Variants in BRINP3 observed in about 807,000 individuals in gnomAD.
BRINP3 encodes BMP/retinoic acid-inducible neural-specific protein 3.
A neutral mutation model predicts 71.0 loss-of-function variants in BRINP3; 19 were observed. The ratio of observed to expected loss-of-function variants is 0.27; its 90% CI spans 0.19 to 0.39. BRINP3 has a LOEUF of 0.39. BRINP3 is among the 10% of genes least tolerant of loss of function. BRINP3 has a pLI of 1.00. For synonymous variants in BRINP3, 380 were observed against 337.7 expected (o/e 1.13, Z -1.37); for missense variants, 959 against 940.8 (o/e 1.02, Z -0.25).
chr1:190,149,981 G>A (rs1318132470), intron 7 of BRINP3, among the ~76,000 whole-genome samples: 1 of 152,022 alleles, frequency 6.6e-6, no homozygotes, highest in Non-Finnish European at 1.5e-5. Flanking sequence ...TATTTCAATT[G>A]GCATTGATTT....
chr1:190,236,765 G>A (rs529861777), intron 4 of BRINP3, among the ~76,000 whole-genome samples: 36 of 151,862 alleles, frequency 2.4e-4, no homozygotes, highest in Non-Finnish European at 4.6e-4. Context: ...CAGCCTAAGG[G>A]CAAAGGGAAT....
intron 7 of BRINP3, among the ~76,000 whole-genome samples, chr1:190,142,707 T>C (rs1386536173): frequency 1.3e-5 from 2 of 152,078 alleles, no homozygotes; most frequent in Non-Finnish European, 2.9e-5. Flanking sequence ...AATATTTTTA[T>C]ACTTGAAAAA....
At chr1:190,220,850 G>C (rs1363645746) in intron 6 of BRINP3, among the ~76,000 whole-genome samples, 1 of 152,062 alleles carries the variant, frequency 6.6e-6, no homozygotes, top group Non-Finnish European at 1.5e-5. Flanking sequence ...AATCCCACTG[G>C]TAAAATTAAG....
At chr1:190,163,889 A>G (rs1651241264) in intron 6 of BRINP3, among the ~76,000 whole-genome samples, 1 of 152,150 alleles carries the variant, frequency 6.6e-6, no homozygotes, top group South Asian at 2.1e-4. Flanking sequence ...TCAATTATTT[A>G]TCCCAGTAAT....
At chr1:190,224,556 A>C (rs1018087904) in intron 6 of BRINP3, among the ~76,000 whole-genome samples, 1 of 151,994 alleles carries the variant, frequency 6.6e-6, no homozygotes, top group African/African-American at 2.4e-5. Context: ...GAAACACTAC[A>C]GGACATTGGT....
chr1:190,471,694 A>G (rs1677148882), intron 1 of BRINP3, among the ~76,000 whole-genome samples: 2 of 151,362 alleles, frequency 1.3e-5, no homozygotes, highest in African/African-American at 4.8e-5. Flanking sequence ...AAAATATTTT[A>G]ATCTTGTTCC....
At chr1:190,328,443 T>C (rs1318522922) in intron 2 of BRINP3, among the ~76,000 whole-genome samples, 1 of 151,982 alleles carries the variant, frequency 6.6e-6, no homozygotes, top group Non-Finnish European at 1.5e-5. Context: ...ACACTCAGAA[T>C]CTAGAAAATC....
intron 7 of BRINP3, among the ~76,000 whole-genome samples, chr1:190,152,384 C>A (rs1251559323): frequency 6.6e-6 from 1 of 151,824 alleles, no homozygotes; most frequent in African/African-American, 2.4e-5. Context: ...AGAGTTTACA[C>A]TTTCTCATTG....
At chr1:190,372,126 G>C (rs1347444098) in intron 2 of BRINP3, among the ~76,000 whole-genome samples, 2 of 152,148 alleles carry the variant, frequency 1.3e-5, no homozygotes, top group Non-Finnish European at 1.5e-5. Flanking sequence ...GACAGGCTAA[G>C]AGAGGACACA....
intron 7 of BRINP3, among the ~76,000 whole-genome samples, chr1:190,105,373 A>G (rs908089531): frequency 1.3e-5 from 2 of 152,122 alleles, no homozygotes; most frequent in Non-Finnish European, 2.9e-5. Context: ...CAAGAAGGCA[A>G]TGAATAAGTG....
At chr1:190,461,081 C>A (rs937617011) in intron 1 of BRINP3, among the ~76,000 whole-genome samples, 14 of 152,290 alleles carry the variant, frequency 9.2e-5, no homozygotes, top group African/African-American at 3.4e-4. Flanking sequence ...TCTGAACATG[C>A]AAATCCTTTA....
At chr1:190,410,327 T>A (rs1346657227) in intron 2 of BRINP3, among the ~76,000 whole-genome samples, 1 of 152,140 alleles carries the variant, frequency 6.6e-6, no homozygotes, top group African/African-American at 2.4e-5. Context: ...TGCCTGTCAT[T>A]AAGATATGGA....
At chr1:190,353,272 G>T (rs565450148) in intron 2 of BRINP3, among the ~76,000 whole-genome samples, 3 of 151,980 alleles carry the variant, frequency 2.0e-5, no homozygotes, top group East Asian at 3.9e-4. Context: ...AGAGCCAAAA[G>T]GTTACCATCT....
chr1:190,324,682 A>G (rs541731040), intron 2 of BRINP3, among the ~76,000 whole-genome samples: 21 of 152,014 alleles, frequency 1.4e-4, no homozygotes, highest in Non-Finnish European at 2.7e-4. Context: ...ATTTGTCTAA[A>G]ATATTATTTG....
intron 7 of BRINP3, among the ~76,000 whole-genome samples, chr1:190,131,798 T>G (rs769077983): frequency 1.3e-5 from 2 of 152,096 alleles, no homozygotes; most frequent in Non-Finnish European, 1.5e-5. Context: ...CATCTTTTTC[T>G]TTGAATTTAT....
At chr1:190,444,505 T>C (rs1266292975) in intron 2 of BRINP3, among the ~76,000 whole-genome samples, 1 of 151,606 alleles carries the variant, frequency 6.6e-6, no homozygotes, top group Non-Finnish European at 1.5e-5. Flanking sequence ...AAAAATAGTA[T>C]GCTTTTTATT....
chr1:190,181,804 G>A (rs1653053571), intron 6 of BRINP3, among the ~76,000 whole-genome samples: 1 of 151,962 alleles, frequency 6.6e-6, no homozygotes. Context: ...AGATGAAAAT[G>A]AAAGTTGATT....
At chr1:190,207,419 C>T (rs1049248852) in intron 6 of BRINP3, among the ~76,000 whole-genome samples, 7 of 151,984 alleles carry the variant, frequency 4.6e-5, no homozygotes, top group Non-Finnish European at 8.8e-5. Context: ...CAATTAACTC[C>T]GAGATCTTTA....
At chr1:190,406,074 T>C (rs1672261255) in intron 2 of BRINP3, among the ~76,000 whole-genome samples, 1 of 152,226 alleles carries the variant, frequency 6.6e-6, no homozygotes, top group Non-Finnish European at 1.5e-5. Flanking sequence ...ATTTCTTCAG[T>C]CTAGCCAGAT....
Sources: allele counts gnomAD v4.1 joint callset (sites outside exome capture counted in the v4.1 genomes callset), GRCh38; gene constraint gnomAD v4.1.1; transcripts MANE v1.5; gene names NCBI Gene and HGNC (gene_info 2026-07-23, HGNC 2026-07-21).